Variants in LMBR1 observed in about 807,000 individuals in gnomAD.
LMBR1 encodes limb development membrane protein 1.
A neutral mutation model predicts 73.9 loss-of-function variants in LMBR1; 52 were observed. The observed-to-expected ratio is 0.70, with a 90% confidence interval of 0.56 to 0.89. The LOEUF is 0.89. Ranked by LOEUF, LMBR1 falls within the 40% of genes least tolerant of loss-of-function variation. The pLI is 0.00. For missense variants in LMBR1, 539 were observed against 579.8 expected, an observed-to-expected ratio of 0.93 and a Z score of 0.72; for synonymous variants, 215 against 209.4, an observed-to-expected ratio of 1.03 and a Z score of -0.23.
chr7:156,716,861 G>A (rs1813322715), intron 15 of LMBR1, among the ~76,000 whole-genome samples: 1 of 152,178 alleles, frequency 6.6e-6, no homozygotes, highest in South Asian at 2.1e-4. Context: ...GTTCACATCT[G>A]TAATCCCAAC....
intron 9 of LMBR1, among the ~76,000 whole-genome samples, chr7:156,753,719 A>T (rs373556342): frequency 6.6e-6 from 1 of 152,104 alleles, no homozygotes; most frequent in African/African-American, 2.4e-5. Context: ...ACAGTCCCAA[A>T]GCAGACGGCA....
chr7:156,682,098 CAGTG>C lies in LMBR1; in HGVS notation c.*1976_*1979del, dbSNP rs1805158168. The C allele has an allele frequency of 6.6e-6, 1 of 152,282 alleles. No homozygotes were observed. The highest frequency in any genetic ancestry group is 1.5e-5 in the Non-Finnish European group (1 of 68,070). 9.4% of individuals were successfully genotyped at this position (152,282 alleles called of 1,614,324 possible). A position where few individuals can be genotyped will look rare whatever the true frequency, so the allele number is the denominator to read the frequency against. ...CCATGCATATCCTTTGCTTCAACAG[CAGTG>C]AGGATGCCTCCAGGAAGTGTATTGT... On this transcript the variant is annotated 3_prime_UTR_variant, in exon 17 of 17. Transcript: ENST00000353442.
chr7:156,789,303 C>A (rs1330902677), intron 5 of LMBR1, among the ~76,000 whole-genome samples: 1 of 152,090 alleles, frequency 6.6e-6, no homozygotes, highest in Non-Finnish European at 1.5e-5. Context: ...CACTTCAGAA[C>A]AATACAACCT....
chr7:156,703,621 C>T (rs1185570076), intron 15 of LMBR1, among the ~76,000 whole-genome samples: 1 of 152,182 alleles, frequency 6.6e-6, no homozygotes, highest in Admixed American at 6.5e-5. Context: ...CAATCCTTCC[C>T]TAGGCTGAGA....
chr7:156,707,081 A>C (rs946104572), intron 15 of LMBR1, among the ~76,000 whole-genome samples: 6 of 152,140 alleles, frequency 3.9e-5, no homozygotes, highest in Non-Finnish European at 8.8e-5. Context: ...AATACAAAAG[A>C]TCATCAGAGA....
intron 1 of LMBR1, among the ~76,000 whole-genome samples, chr7:156,856,067 T>C (rs1471105700): frequency 9.2e-5 from 14 of 151,732 alleles, no homozygotes; most frequent in Non-Finnish European, 5.9e-5. Flanking sequence ...TGGTGGCGGG[T>C]GCCTGTAGTC....
At chr7:156,849,571 T>G (rs1194132793) in intron 1 of LMBR1, among the ~76,000 whole-genome samples, 1 of 152,046 alleles carries the variant, frequency 6.6e-6, no homozygotes, top group African/African-American at 2.4e-5. Context: ...GTGAAAGAAG[T>G]CAATTTGAAA....
chr7:156,728,803 A>T, intron 10 of LMBR1, 83 bp from the exon 11 acceptor site: 10 of 956,202 alleles, frequency 1.0e-5, no homozygotes, highest in Non-Finnish European at 1.6e-5. Context: ...TGTTTTATAC[A>T]TAATTTCTTT....
intron 1 of LMBR1, among the ~76,000 whole-genome samples, chr7:156,840,535 G>A (rs1297976460): frequency 1.3e-5 from 2 of 152,016 alleles, no homozygotes; most frequent in Non-Finnish European, 1.5e-5. Context: ...CCCACTATTC[G>A]GGTCACGCAA....
At chr7:156,688,895 C>A (rs1028668501) in intron 15 of LMBR1, among the ~76,000 whole-genome samples, 35 of 152,184 alleles carry the variant, frequency 2.3e-4, no homozygotes, top group African/African-American at 8.4e-4. Context: ...GTCTTATACA[C>A]ACTTAATATG....
At chr7:156,826,773 G>A in intron 3 of LMBR1, 29 bp from the exon 4 acceptor site, 1 of 1,580,162 alleles carries the variant, frequency 6.3e-7, no homozygotes, top group Non-Finnish European at 8.6e-7. Flanking sequence ...ACCATCACAA[G>A]TGATCTGAAA....
intron 1 of LMBR1, among the ~76,000 whole-genome samples, chr7:156,884,551 T>C (rs995416955): frequency 2.0e-5 from 3 of 152,202 alleles, no homozygotes; most frequent in Non-Finnish European, 4.4e-5. Flanking sequence ...AGTTACAGAA[T>C]TTTTCCAGCT....
rs1284958731 is a variant in LMBR1 at position 156,728,702 on chromosome 7, G to A, written c.857C>T (p.Ser286Leu). 2 of 1,602,126 alleles carry A rather than the reference G, an allele frequency of 1.2e-6. No homozygotes were observed. The highest frequency in any genetic ancestry group is 1.8e-5 in the Admixed American group (1 of 56,946). The change falls in exon 11 of 17, where the codon TCA (serine) becomes TTA (leucine). Residue 286 changes from serine to leucine, a missense_variant. Transcript: ENST00000353442. ...ATACACCAAATTTCTTTCCCATGCTGAAGCCTTTTTTCGCCTCTCTATTAA... is the reference window on the plus strand; with the variant it reads ...ATACACCAAATTTCTTTCCCATGCTAAAGCCTTTTTTCGCCTCTCTATTAA... Reference protein sequence around the residue: ...KTKLERRKKASAWERNLVYPA... With the variant: ...KTKLERRKKALAWERNLVYPA...
chr7:156,854,266 G>A (rs1490594807), intron 1 of LMBR1, among the ~76,000 whole-genome samples: 1 of 152,172 alleles, frequency 6.6e-6, no homozygotes, highest in African/African-American at 2.4e-5. Flanking sequence ...AGCCAGCACT[G>A]GTAAAACACT....
intron 1 of LMBR1, among the ~76,000 whole-genome samples, 172 bp downstream of exon 1, chr7:156,892,756 A>AAGGGGAGGGGAGGGGAGAGG (rs1803348568): frequency 1.2e-5 from 1 of 83,586 alleles, no homozygotes; most frequent in Non-Finnish European, 2.5e-5. Context: ...GTGGGGAGGG[A>AAGGGGAGGGGAGGGGAGAGG]AGGGGAGGGG....
chr7:156,857,067 A>G (rs1797074916), intron 1 of LMBR1, among the ~76,000 whole-genome samples: 1 of 152,200 alleles, frequency 6.6e-6, no homozygotes, highest in Admixed American at 6.5e-5. Context: ...TAAAATGCTC[A>G]GCTAGAACCA....
intron 15 of LMBR1, among the ~76,000 whole-genome samples, chr7:156,718,097 A>G (rs1221392363): frequency 6.6e-6 from 1 of 152,184 alleles, no homozygotes; most frequent in East Asian, 1.9e-4. Flanking sequence ...GTGCATATGT[A>G]TTATTAAGAA....
At chr7:156,796,912 A>G (rs1830139877) in intron 4 of LMBR1, among the ~76,000 whole-genome samples, 1 of 152,210 alleles carries the variant, frequency 6.6e-6, no homozygotes, top group African/African-American at 2.4e-5. Flanking sequence ...CCCTAAAAAT[A>G]ATAATTAGCA....
chr7:156,837,764 A>G (rs1837919800), intron 1 of LMBR1, among the ~76,000 whole-genome samples: 1 of 151,544 alleles, frequency 6.6e-6, no homozygotes, highest in African/African-American at 2.4e-5. Context: ...AGATATCATT[A>G]AATTCTGTAT....
Sources: gnomAD v4.1 joint callset for allele counts (sites outside exome capture counted in the v4.1 genomes callset) on GRCh38, gnomAD v4.1.1 for gene constraint, MANE v1.5 for transcripts, NCBI Gene and HGNC (gene_info 2026-07-23, HGNC 2026-07-21) for gene names.